ATP7B: variants seen among roughly 807,000 people sequenced by gnomAD.
ATP7B encodes the protein copper-transporting ATPase 2.
A neutral mutation model predicts 118.9 loss-of-function variants in ATP7B; 113 were observed. That is an observed-to-expected ratio of 0.95 (90% CI 0.82 to 1.11). The LOEUF (loss-of-function observed/expected upper bound fraction) is 1.11. Ranked by LOEUF, ATP7B falls within the 50% of genes most tolerant of loss-of-function variation. The probability of loss-of-function intolerance (pLI) is 0.00; values close to 1 mark genes in which losing one functional copy is unlikely to be tolerated. For missense variants in ATP7B, 1,867 were observed against 1,871.4 expected (o/e 1.00, Z 0.04); for synonymous variants, 777 against 727.4 (o/e 1.07, Z -1.10).
intron 10 of ATP7B, 39 bp downstream of exon 10, chr13:51,950,233 T>C (rs906827047): frequency 3.7e-6 from 6 of 1,614,000 alleles, no homozygotes; most frequent in Non-Finnish European, 5.1e-6. Flanking sequence ...ACAGCTGCTA[T>C]GATATCCTCC....
chr13:51,965,296 G>A (rs887831762), intron 4 of ATP7B, among the ~76,000 whole-genome samples: 10 of 152,198 alleles, frequency 6.6e-5, no homozygotes, highest in Non-Finnish European at 1.5e-4. Context: ...ACCAAGGCTT[G>A]ACTTCCGGCT....
intron 7 of ATP7B, 80 bp from the exon 8 acceptor site, chr13:51,958,624 G>A: frequency 1.6e-6 from 2 of 1,248,494 alleles, no homozygotes; most frequent in Admixed American, 3.6e-5. Flanking sequence ...GGGCCCTGGG[G>A]ATGGCAAAGC....
intron 1 of ATP7B, among the ~76,000 whole-genome samples, chr13:51,976,227 A>G (rs1952112827): frequency 6.6e-6 from 1 of 152,166 alleles, no homozygotes; most frequent in African/African-American, 2.4e-5. Context: ...ATTTCTCTCT[A>G]CTTGTACACA....
At chr13:51,991,451 C>G (rs1438229705) in intron 1 of ATP7B, among the ~76,000 whole-genome samples, 1 of 151,728 alleles carries the variant, frequency 6.6e-6, no homozygotes, top group African/African-American at 2.4e-5. Flanking sequence ...CCAAGATCTG[C>G]GGCAACTGCA....
rs781412993 is a variant in ATP7B, at chr13:51,964,903, A to G, written c.1838T>C (p.Ile613Thr). The G allele has an allele frequency of 6.2e-7, 1 of 1,614,202 alleles. No individual in the cohort carries two copies. Among genetic ancestry groups the G allele is most frequent in the Non-Finnish European group, 8.5e-7 (1 of 1,180,046 alleles). The change falls in exon 5 of 21, where the codon ATC becomes ACC. Residue 613 changes from isoleucine to threonine, a missense_variant. Ile to Thr is a moderately conservative substitution (Grantham distance 89). Transcript: ENST00000242839. ...AATTTTGATAATATCCCGTGGACCG[A>G]TAATTTCCGGGTCAAACTTAACAAG... Reference protein sequence around the residue: ...KALVKFDPEIIGPRDIIKIIE... With the variant: ...KALVKFDPEITGPRDIIKIIE...
chr13:52,011,958 G>C (rs1954052778), upstream of ATP7B: 2 of 299,002 alleles, frequency 6.7e-6, no homozygotes, highest in South Asian at 6.2e-5. Flanking sequence ...CGGACTCTGC[G>C]CCTGGCTGCC....
intron 1 of ATP7B, among the ~76,000 whole-genome samples, chr13:51,998,002 T>C (rs1409534206): frequency 6.6e-6 from 1 of 152,096 alleles, no homozygotes; most frequent in African/African-American, 2.4e-5. Flanking sequence ...CAGTATTAAG[T>C]CCAAACTCCT....
chr13:51,997,141 GGATCTATCA>G (rs1953249728), intron 1 of ATP7B, among the ~76,000 whole-genome samples: 1 of 152,142 alleles, frequency 6.6e-6, no homozygotes, highest in African/African-American at 2.4e-5. Flanking sequence ...CTTCCTGAAA[GGATCTATCA>G]GGAGCCTCAC....
At chr13:51,991,031 T>C (rs1291816375) in intron 1 of ATP7B, among the ~76,000 whole-genome samples, 4 of 151,986 alleles carry the variant, frequency 2.6e-5, no homozygotes, top group Non-Finnish European at 5.9e-5. Context: ...GAGCTTTCAC[T>C]GAGCCAAGAT....
chr13:51,968,334 A>G (rs1687994723), intron 4 of ATP7B, 110 bp downstream of exon 4: 10 of 1,516,524 alleles, frequency 6.6e-6, no homozygotes, highest in Non-Finnish European at 8.2e-6. Flanking sequence ...CCCAACAACA[A>G]CAAACCAGAC....
intron 1 of ATP7B, among the ~76,000 whole-genome samples, chr13:51,980,678 C>A (rs990942480): frequency 1.3e-5 from 2 of 152,150 alleles, no homozygotes; most frequent in African/African-American, 4.8e-5. Context: ...GATCACAAAT[C>A]AAAAAATACT....
chr13:51,996,503 T>C (rs1026906278), intron 1 of ATP7B, among the ~76,000 whole-genome samples: 1 of 152,100 alleles, frequency 6.6e-6, no homozygotes, highest in African/African-American at 2.4e-5. Flanking sequence ...AGTGTGGAAT[T>C]GAATTCAGGG....
Position 51,970,600 on chromosome 13 carries a change from G to C in ATP7B, c.1435C>G (p.Pro479Ala). The change falls in exon 3 of 21, where the codon CCA becomes GCA. Residue 479 changes from proline (P) to alanine (A), a missense_variant. By Grantham distance (27) the Pro-to-Ala change is conservative. Coordinates refer to ENST00000242839, the MANE Select transcript of ATP7B (RefSeq NM_000053.4). Reference sequence around the variant, plus strand: ...GGTGCCACTGCTCTGGTTGATTGTGGGGACTTTGCCAAGATGTCCGGGGCA... The same window carrying C: ...GGTGCCACTGCTCTGGTTGATTGTGCGGACTTTGCCAAGATGTCCGGGGCA... ...NHAPDILAKS[P>A]QSTRAVAPQK... 1 of 1,614,096 alleles carries C rather than the reference G, an allele frequency of 6.2e-7. No individual in the cohort carries two copies. Among genetic ancestry groups the C allele is most frequent in the Non-Finnish European group, 8.5e-7 (1 of 1,180,016 alleles).
intron 1 of ATP7B, among the ~76,000 whole-genome samples, chr13:51,987,502 G>C (rs553933566): frequency 1.3e-5 from 2 of 152,184 alleles, no homozygotes; most frequent in Non-Finnish European, 2.9e-5. Flanking sequence ...GTAATTTATA[G>C]ATTCAATGCT....
In ATP7B at chr13:51,949,642, G is replaced by A; in HGVS notation, c.2865+20C>T. The A allele has an allele frequency of 6.2e-7, 1 of 1,613,006 alleles. No individual in the cohort carries two copies. The highest frequency in any genetic ancestry group is 8.5e-7 in the Non-Finnish European group (1 of 1,179,664). On this transcript the variant is annotated intron_variant, in intron 12 of 20. Coordinates refer to ENST00000242839, the MANE Select transcript of ATP7B (RefSeq NM_000053.4). ...TTATTTAAAACACAACCACCATATA[G>A]CCCAAGGCATTCAACTTACAGGAAA...
At chr13:51,948,946 G>A (rs1233151771) in intron 12 of ATP7B, among the ~76,000 whole-genome samples, 7 of 152,154 alleles carry the variant, frequency 4.6e-5, no homozygotes, top group South Asian at 2.1e-4. Flanking sequence ...TTAGGAGGCC[G>A]AGACAGGCAG....
At chr13:51,943,993 A>G in intron 14 of ATP7B, 116 bp downstream of exon 14, 1 of 1,333,710 alleles carries the variant, frequency 7.5e-7, no homozygotes, top group East Asian at 2.4e-5. Flanking sequence ...GGGCCCTCTA[A>G]GTGGTTTTCC....
In ATP7B at chr13:51,970,837, T is replaced by C. The variant is rs1003514427; in HGVS notation, c.1286-88A>G. 7.7e-6 allele frequency: 11 copies of C among 1,430,690 alleles called. No individual in the cohort carries two copies. In the Admixed American group the frequency reaches 2.0e-4, roughly 26 times the overall value. The allele number at this position is 1,430,690 out of a possible 1,614,324, so 88.6% of individuals were successfully genotyped here. A position where few individuals can be genotyped will look rare whatever the true frequency, so the allele number is the denominator to read the frequency against. On this transcript the variant is annotated intron_variant, in intron 2 of 20. Transcript: ENST00000242839. The stretch of plus-strand genomic sequence containing the variant: ...GAGGTTTCAGGGCTCTTGGTGAGGG[T>C]TCATTGTCCCGGCTCCCACCGAGCA...
chr13:51,935,285 G>T (rs1956890407), intron 20 of ATP7B, among the ~76,000 whole-genome samples: 1 of 152,162 alleles, frequency 6.6e-6, no homozygotes, highest in Non-Finnish European at 1.5e-5. Context: ...ATAAATAAGT[G>T]AACATCTTTT....
Sources: gnomAD v4.1 joint callset for allele counts (sites outside exome capture counted in the v4.1 genomes callset) on GRCh38, gnomAD v4.1.1 for gene constraint, MANE v1.5 for transcripts, NCBI Gene and HGNC (gene_info 2026-07-23, HGNC 2026-07-21) for gene names.